FGD4: variants seen among roughly 807,000 people sequenced by gnomAD.
The protein encoded by FGD4 is FYVE, RhoGEF and PH domain-containing protein 4.
FGD4 carries 42 observed loss-of-function variants against 102.0 expected under a neutral mutation model. The observed-to-expected ratio is 0.41, with a 90% CI of 0.32 to 0.53. The LOEUF (loss-of-function observed/expected upper bound fraction) is 0.53, where lower values mean the gene tolerates loss of function less well. FGD4 is among the 20% of genes least tolerant of loss of function. The probability of loss-of-function intolerance (pLI) is 0.21; values close to 1 mark genes in which losing one functional copy is unlikely to be tolerated. For synonymous variants in FGD4, 380 were observed against 375.7 expected (o/e 1.01, Z -0.13); for missense variants, 902 against 1,078.2 (o/e 0.84, Z 2.29).
At chr12:32,434,209 C>G (rs1314723773) in intron 1 of FGD4, among the ~76,000 whole-genome samples, 1 of 152,156 alleles carries the variant, frequency 6.6e-6, no homozygotes, top group Non-Finnish European at 1.5e-5. Flanking sequence ...CCTTGATTTT[C>G]TAAGTTCCTC....
At chr12:32,435,276 A>T (rs529348517) in intron 1 of FGD4, among the ~76,000 whole-genome samples, 64 of 151,924 alleles carry the variant, frequency 4.2e-4, no homozygotes, top group African/African-American at 1.5e-3. Context: ...AAATGAAACT[A>T]GTTGAGAGAT....
At chr12:32,456,920 G>A (rs1942962196) in intron 1 of FGD4, among the ~76,000 whole-genome samples, 1 of 152,062 alleles carries the variant, frequency 6.6e-6, no homozygotes, top group African/African-American at 2.4e-5. Flanking sequence ...CTAATGAGCT[G>A]GGCTTCTTTT....
chr12:32,575,697 A>T (rs549118546), intron 2 of FGD4, among the ~76,000 whole-genome samples: 1 of 152,222 alleles, frequency 6.6e-6, no homozygotes, highest in Non-Finnish European at 1.5e-5. Context: ...TGAGAGAACT[A>T]TAAAGTATAA....
At chr12:32,625,937 A>G (rs1399461699) in intron 14 of FGD4, among the ~76,000 whole-genome samples, 158 bp downstream of exon 14, 2 of 152,232 alleles carry the variant, frequency 1.3e-5, no homozygotes, top group Admixed American at 1.3e-4. Context: ...GCCCTGGAGA[A>G]AAAACGTTAG....
At chr12:32,584,940 C>T (rs547351570) in intron 4 of FGD4, among the ~76,000 whole-genome samples, 21 of 151,972 alleles carry the variant, frequency 1.4e-4, no homozygotes, top group Admixed American at 6.6e-4. Flanking sequence ...GGAGAGCAGC[C>T]GGGTGCGGTG....
At chr12:32,413,973 CTTTTTTT>C (rs34824025) in intron 1 of FGD4, among the ~76,000 whole-genome samples, 31 of 129,244 alleles carry the variant, frequency 2.4e-4, no homozygotes, top group Admixed American at 1.2e-3. Flanking sequence ...CTTGAGGATA[CTTTTTTT>C]TTTTTTTTTT....
chr12:32,590,534 A>C (rs1482839050), intron 4 of FGD4, among the ~76,000 whole-genome samples: 1 of 152,060 alleles, frequency 6.6e-6, no homozygotes, highest in African/African-American at 2.4e-5. Flanking sequence ...TTGTTCCCCA[A>C]ATCCAGAGGG....
intron 1 of FGD4, among the ~76,000 whole-genome samples, chr12:32,423,423 C>G (rs1238098569): frequency 6.7e-6 from 1 of 149,734 alleles, no homozygotes; most frequent in African/African-American, 2.4e-5. Flanking sequence ...AACCCCATCT[C>G]TATTAAAAAA....
chr12:32,445,060 T>C (rs1942572349), intron 1 of FGD4, among the ~76,000 whole-genome samples: 1 of 152,170 alleles, frequency 6.6e-6, no homozygotes, highest in African/African-American at 2.4e-5. Context: ...ATGGAGACTT[T>C]TGGGTGTGTG....
At chr12:32,461,262 A>T (rs545152855) in intron 1 of FGD4, among the ~76,000 whole-genome samples, 2 of 152,348 alleles carry the variant, frequency 1.3e-5, no homozygotes, top group East Asian at 3.9e-4. Context: ...AACTGGTATA[A>T]ATACAAAATT....
chr12:32,598,412 C>G, intron 4 of FGD4, 85 bp from the exon 5 acceptor site: 1 of 947,582 alleles, frequency 1.1e-6, no homozygotes, highest in Non-Finnish European at 1.6e-6. Flanking sequence ...CTGTTTTGAT[C>G]AAATCATTTG....
rs375669251 is a variant in FGD4 at position 32,565,994 on chromosome 12, A to G, written c.319+1705A>G. ...GCCCTTTTATATTTCCCTATGTTGT[A>G]GTCTGTTCAGGCTGCTGTAACAAAA... On this transcript the variant is annotated intron_variant, in intron 2 of 16. Transcript: ENST00000534526. Among the ~76,000 whole-genome samples, 21 of 152,278 alleles carry G rather than the reference A, an allele frequency of 1.4e-4. 2 individuals carry two copies. The highest frequency in any genetic ancestry group is 5.1e-4 in the African/African-American group (21 of 41,558).
intron 1 of FGD4, among the ~76,000 whole-genome samples, chr12:32,528,669 G>C (rs991297787): frequency 1.3e-5 from 2 of 152,214 alleles, no homozygotes; most frequent in East Asian, 3.9e-4. Flanking sequence ...GAGATTACAA[G>C]TGTGTGCCAT....
At chr12:32,512,220 G>C (rs1004303528) in intron 1 of FGD4, among the ~76,000 whole-genome samples, 1 of 152,058 alleles carries the variant, frequency 6.6e-6, no homozygotes, top group African/African-American at 2.4e-5. Context: ...GCTGAGGCTG[G>C]CGGATCATCT....
chr12:32,553,102 C>T (rs766426504), intron 1 of FGD4, among the ~76,000 whole-genome samples: 1 of 151,984 alleles, frequency 6.6e-6, no homozygotes. Context: ...CCGGAGTATG[C>T]ACTTTTAACA....
At chr12:32,421,303 T>C (rs1337530190) in intron 1 of FGD4, among the ~76,000 whole-genome samples, 1 of 152,232 alleles carries the variant, frequency 6.6e-6, no homozygotes, top group African/African-American at 2.4e-5. Flanking sequence ...GCATCAGCAA[T>C]GTGTAGCAAT....
intron 1 of FGD4, among the ~76,000 whole-genome samples, chr12:32,415,738 T>G (rs943602951): frequency 2.0e-5 from 3 of 152,186 alleles, no homozygotes; most frequent in African/African-American, 7.2e-5. Flanking sequence ...TAGCTCTTAA[T>G]AATATTTCCT....
rs183700040 is a variant in FGD4, at chr12:32,463,354, A to G, written c.166+63395A>G. On this transcript the variant is annotated intron_variant, in intron 1 of 16. Coordinates refer to ENST00000534526, the MANE Select transcript of FGD4 (RefSeq NM_001370298.3). ...AAGATCTTAAAACAAAAACCCCTTC[A>G]CTATGTAATTAAGAATGTCAAGAGT... Among the ~76,000 whole-genome samples the G allele has an allele frequency of 2.9e-3, 435 of 152,328 alleles. 1 individual carries two copies. Among genetic ancestry groups the G allele is most frequent in the Middle Eastern group, 0.024 (7 of 294 alleles).
Position 32,620,526 on chromosome 12 carries a change from T to TC in FGD4, c.1922+656_1922+657insC, listed in dbSNP as rs1327018100. 2.3e-3 allele frequency among the ~76,000 whole-genome samples: 307 copies of TC among 135,590 alleles called. 2 individuals are homozygous for TC. Among genetic ancestry groups the TC allele is most frequent in the African/African-American group, 7.8e-3 (277 of 35,722 alleles). 89.0% of individuals were successfully genotyped at this position (135,590 alleles called of 152,430 possible). A position where few individuals can be genotyped will look rare whatever the true frequency, so the allele number is the denominator to read the frequency against. ...ATAACCATTTTTTTTCTTTCTTTTTTTTTTTTTTTTTTTTTTTGAGATGGA... is the reference window on the plus strand; with the variant it reads ...ATAACCATTTTTTTTCTTTCTTTTTTCTTTTTTTTTTTTTTTTTGAGATGGA... On this transcript the variant is annotated intron_variant, in intron 11 of 16. Coordinates refer to ENST00000534526, the MANE Select transcript of FGD4 (RefSeq NM_001370298.3).
Sources: gnomAD v4.1 joint callset for allele counts (sites outside exome capture counted in the v4.1 genomes callset) on GRCh38, gnomAD v4.1.1 for gene constraint, MANE v1.5 for transcripts, NCBI Gene and HGNC (gene_info 2026-07-23, HGNC 2026-07-21) for gene names.